The following HS2ST1 variants were observed in gnomAD, a reference collection of about 807,000 sequenced individuals.
HS2ST1 encodes the protein heparan sulfate 2-O-sulfotransferase 1, also known as 2-O-sulfotransferase.
HS2ST1 carries 18 observed loss-of-function variants against 42.9 expected under a neutral mutation model. That is an observed-to-expected ratio of 0.42 (90% CI 0.29 to 0.62). The LOEUF is 0.62. Ranked by LOEUF, HS2ST1 falls within the 20% of genes least tolerant of loss-of-function variation. The pLI is 0.21. For missense variants in HS2ST1, 334 were observed against 433.8 expected, an observed-to-expected ratio of 0.77 and a Z score of 2.04; for synonymous variants, 146 against 152.9, an observed-to-expected ratio of 0.95 and a Z score of 0.33.
At chr1:87,092,962 A>G (rs1234704606) in intron 4 of HS2ST1, among the ~76,000 whole-genome samples, 3 of 151,878 alleles carry the variant, frequency 2.0e-5, no homozygotes, top group African/African-American at 4.8e-5. Context: ...CACTAATATG[A>G]TATATTTTTG....
At chr1:87,068,191 T>C (rs913621526) in intron 1 of HS2ST1, among the ~76,000 whole-genome samples, 1 of 152,184 alleles carries the variant, frequency 6.6e-6, no homozygotes, top group South Asian at 2.1e-4. Context: ...ATTCTTCCTA[T>C]CCATGAGCAT....
rs535640005 is a variant in HS2ST1, at chr1:86,951,339, C to T, written c.124+36179C>T. Among the ~76,000 whole-genome samples, 49 of 152,092 alleles carry T rather than the reference C, an allele frequency of 3.2e-4. No individual in the cohort carries two copies. The South Asian group carries it at 7.5e-3, about 23-fold the overall frequency. ...TTCAGATATTTGTTATAAAAACAGG[C>T]GTATCTCAGAAATATTATGGGTTCA... On this transcript the variant is annotated intron_variant, in intron 1 of 6. Transcript: ENST00000370550.
intron 1 of HS2ST1, among the ~76,000 whole-genome samples, chr1:87,062,530 C>T (rs571199468): frequency 6.6e-6 from 1 of 152,138 alleles, no homozygotes; most frequent in African/African-American, 2.4e-5. Flanking sequence ...AGCCACATCA[C>T]AGAATGCCGT....
chr1:87,098,894 C>G (rs1022196421), intron 5 of HS2ST1, among the ~76,000 whole-genome samples: 20 of 152,182 alleles, frequency 1.3e-4, no homozygotes, highest in African/African-American at 4.8e-4. Context: ...ATTCTTCTGT[C>G]TCAGCCTCCC....
At chr1:87,043,665 A>G (rs1650572871) in intron 1 of HS2ST1, among the ~76,000 whole-genome samples, 1 of 152,048 alleles carries the variant, frequency 6.6e-6, no homozygotes, top group South Asian at 2.1e-4. Context: ...AACCGAAATA[A>G]CATCTTTCTT....
Position 87,084,272 on chromosome 1 carries a change from T to A in HS2ST1, c.442T>A (p.Phe148Ile). Residue 148 changes from phenylalanine to isoleucine, a missense_variant, in exon 3 of 7, where the codon TTT (phenylalanine) becomes ATT (isoleucine). By Grantham distance (21) the Phe-to-Ile change is conservative (BLOSUM62 0). Transcript: ENST00000370550. ...FYHGHVSYLD[F>I]AKFGVKKKPI... ...TCATGGACACGTTTCTTACTTGGAT[T>A]TTGCAAAGTAAGTTACACTGAAATG... is the stretch of plus-strand genomic sequence containing the variant. 6.3e-7 allele frequency: 1 copy of A among 1,590,102 alleles called. No homozygotes were observed. The highest frequency in any genetic ancestry group is 2.2e-5 in the East Asian group (1 of 44,526).
intron 1 of HS2ST1, among the ~76,000 whole-genome samples, chr1:87,021,038 C>T (rs982676045): frequency 6.6e-6 from 1 of 152,170 alleles, no homozygotes; most frequent in Non-Finnish European, 1.5e-5. Context: ...GACCTTTCTC[C>T]TATTCCAGAC....
At chr1:86,963,568 A>G (rs1647920852) in intron 1 of HS2ST1, among the ~76,000 whole-genome samples, 1 of 152,214 alleles carries the variant, frequency 6.6e-6, no homozygotes, top group Non-Finnish European at 1.5e-5. Flanking sequence ...CTACACAGAC[A>G]CAGCAATAAT....
intron 1 of HS2ST1, among the ~76,000 whole-genome samples, chr1:87,026,596 C>A (rs72723906): frequency 0.024 from 3,695 of 152,140 alleles, 57 homozygotes; most frequent in Non-Finnish European, 0.037. Context: ...GGCAGAGTTT[C>A]TTAATAGGAG....
chr1:86,983,781 G>A (rs939206262), intron 1 of HS2ST1, among the ~76,000 whole-genome samples: 1 of 151,910 alleles, frequency 6.6e-6, no homozygotes, highest in Non-Finnish European at 1.5e-5. Flanking sequence ...GGTGGCTCAC[G>A]CCTGTAATCC....
intron 1 of HS2ST1, among the ~76,000 whole-genome samples, chr1:87,007,683 C>T (rs1649479505): frequency 6.6e-6 from 1 of 152,090 alleles, no homozygotes; most frequent in Non-Finnish European, 1.5e-5. Flanking sequence ...TCTAAGGCTA[C>T]TTCATGACAC....
chr1:86,986,497 G>A (rs1025044642), intron 1 of HS2ST1, among the ~76,000 whole-genome samples: 6 of 152,218 alleles, frequency 3.9e-5, no homozygotes, highest in South Asian at 4.1e-4. Flanking sequence ...ATTAATTTAC[G>A]TGCCAAAGGA....
Position 87,084,297 on chromosome 1 carries a change from G to A in HS2ST1, c.449+18G>A, listed in dbSNP as rs1651763257. On this transcript the variant is annotated intron_variant, in intron 3 of 6. Transcript: ENST00000370550. ...TTTGCAAAGTAAGTTACACTGAAAT[G>A]ACACGCTAAAGAATGCTTTGTACTC... 1.4e-5 allele frequency: 19 copies of A among 1,401,470 alleles called. No homozygotes were observed. Among genetic ancestry groups the A allele is most frequent in the Non-Finnish European group, 1.9e-5 (19 of 995,252 alleles). 86.8% of individuals were successfully genotyped at this position (1,401,470 alleles called of 1,614,324 possible). A position where few individuals can be genotyped will look rare whatever the true frequency, so the allele number is the denominator to read the frequency against.
At chr1:87,041,374 G>A (rs778725628) in intron 1 of HS2ST1, among the ~76,000 whole-genome samples, 1 of 151,666 alleles carries the variant, frequency 6.6e-6, no homozygotes, top group African/African-American at 2.4e-5. Flanking sequence ...GTTACAGAAT[G>A]AGATCCTGTC....
At chr1:87,104,008 G>GT (rs1209496185) in intron 6 of HS2ST1, among the ~76,000 whole-genome samples, 1 of 152,064 alleles carries the variant, frequency 6.6e-6, no homozygotes, top group Non-Finnish European at 1.5e-5. Flanking sequence ...GTTTTGTTTC[G>GT]TTTTTTGCTA....
At chr1:86,969,941 C>A (rs981887018) in intron 1 of HS2ST1, among the ~76,000 whole-genome samples, 1 of 151,966 alleles carries the variant, frequency 6.6e-6, no homozygotes, top group Non-Finnish European at 1.5e-5. Flanking sequence ...GCCTGACCAA[C>A]GTGGAGAAAC....
intron 1 of HS2ST1, among the ~76,000 whole-genome samples, chr1:87,054,032 A>G (rs1161937075): frequency 2.0e-5 from 3 of 152,044 alleles, no homozygotes; most frequent in Admixed American, 6.6e-5. Flanking sequence ...CCTGAGATGT[A>G]TATCTTCTGT....
intron 1 of HS2ST1, among the ~76,000 whole-genome samples, chr1:86,940,257 C>A (rs1458844749): frequency 2.0e-5 from 3 of 151,960 alleles, no homozygotes; most frequent in Non-Finnish European, 4.4e-5. Flanking sequence ...GCCTATAGAC[C>A]CAGTTACTCA....
intron 2 of HS2ST1, among the ~76,000 whole-genome samples, chr1:87,083,233 C>A (rs1651735115): frequency 1.3e-5 from 2 of 152,144 alleles, no homozygotes. Flanking sequence ...GTGACTACCC[C>A]TATTCTATGA....
Sources: gnomAD v4.1 joint callset for allele counts (sites outside exome capture counted in the v4.1 genomes callset) on GRCh38, gnomAD v4.1.1 for gene constraint, MANE v1.5 for transcripts, NCBI Gene and HGNC (gene_info 2026-07-23, HGNC 2026-07-21) for gene names.